The following ADAMTSL1 variants were observed in gnomAD, a reference collection of about 807,000 sequenced individuals.
ADAMTSL1 encodes the protein ADAMTS-like protein 1.
A neutral mutation model predicts 201.8 loss-of-function variants in ADAMTSL1; 126 were observed. That is an observed-to-expected ratio of 0.62 (90% CI 0.54 to 0.72). The LOEUF (loss-of-function observed/expected upper bound fraction) is 0.72, where lower values mean the gene tolerates loss of function less well. Among genes scored for constraint, ADAMTSL1 ranks in the 30% least tolerant of loss-of-function variants. ADAMTSL1 has a pLI of 0.00. For synonymous variants in ADAMTSL1, 1,121 were observed against 903.4 expected, an observed-to-expected ratio of 1.24 and a Z score of -4.32; for missense variants, 2,679 against 2,277.8, an observed-to-expected ratio of 1.18 and a Z score of -3.59.
intron 1 of ADAMTSL1, among the ~76,000 whole-genome samples, chr9:18,021,011 C>T (rs995767580): frequency 6.6e-6 from 1 of 152,130 alleles, no homozygotes; most frequent in Non-Finnish European, 1.5e-5. Context: ...ATGGTCTGCA[C>T]AGTGGTACTG....
At chr9:18,211,471 G>C (rs1244980725) in intron 2 of ADAMTSL1, among the ~76,000 whole-genome samples, 2 of 151,976 alleles carry the variant, frequency 1.3e-5, no homozygotes, top group Non-Finnish European at 2.9e-5. Flanking sequence ...CTCTGTTATA[G>C]GATTTCTTGT....
intron 1 of ADAMTSL1, among the ~76,000 whole-genome samples, chr9:18,002,363 TACTCTGAG>T (rs1819647963): frequency 6.6e-6 from 1 of 152,044 alleles, no homozygotes; most frequent in African/African-American, 2.4e-5. Flanking sequence ...GGTGACCTTA[TACTCTGAG>T]CCTCAGTTTC....
intron 1 of ADAMTSL1, among the ~76,000 whole-genome samples, chr9:18,486,771 C>A (rs751668780): frequency 4.1e-4 from 62 of 152,248 alleles, no homozygotes; most frequent in Non-Finnish European, 7.2e-4. Context: ...TCATGTAACA[C>A]AAAGCCCATA....
chr9:18,501,358 A>G (rs1252425055), intron 1 of ADAMTSL1, among the ~76,000 whole-genome samples: 4 of 152,068 alleles, frequency 2.6e-5, no homozygotes, highest in African/African-American at 7.2e-5. Context: ...GAAAAATACA[A>G]AAATTAGCCG....
chr9:18,413,107 C>A (rs1373616240), intron 2 of ADAMTSL1, among the ~76,000 whole-genome samples: 1 of 150,006 alleles, frequency 6.7e-6, no homozygotes, highest in Non-Finnish European at 1.5e-5. Flanking sequence ...CCTGTTTCTT[C>A]AACTGCTTGT....
At chr9:18,635,516 T>A (rs1827055786) in intron 5 of ADAMTSL1, among the ~76,000 whole-genome samples, 1 of 152,184 alleles carries the variant, frequency 6.6e-6, no homozygotes, top group Non-Finnish European at 1.5e-5. Context: ...TATCTTCCAC[T>A]TCTCTTACCT....
rs182235428 is a variant in ADAMTSL1, at chr9:18,766,131, T to C, written c.2218-4471T>C. ...ATAAGATTACAGAGGTGTACAACGC[T>C]TCTCTTGCTCTGCTATACATTCACC... On this transcript the variant is annotated intron_variant, in intron 16 of 28. Coordinates refer to ENST00000380548, the MANE Select transcript of ADAMTSL1 (RefSeq NM_001040272.6). Among the ~76,000 whole-genome samples, 333 of 152,310 alleles carry C rather than the reference T, an allele frequency of 2.2e-3. 11 individuals are homozygous for C. In the South Asian group the frequency reaches 0.046, roughly 21 times the overall value.
intron 3 of ADAMTSL1, among the ~76,000 whole-genome samples, chr9:18,562,294 T>C (rs1410847820): frequency 6.6e-6 from 1 of 152,220 alleles, no homozygotes; most frequent in Non-Finnish European, 1.5e-5. Context: ...TTAGTTTGGC[T>C]GGATATGAAA....
chr9:17,985,165 G>C (rs1489517407), intron 1 of ADAMTSL1, among the ~76,000 whole-genome samples: 2 of 152,104 alleles, frequency 1.3e-5, no homozygotes, highest in African/African-American at 4.8e-5. Context: ...ACTTCACTCT[G>C]ACATCTTTCT....
chr9:18,095,124 T>C (rs1824189031), intron 1 of ADAMTSL1, among the ~76,000 whole-genome samples: 1 of 152,132 alleles, frequency 6.6e-6, no homozygotes, highest in South Asian at 2.1e-4. Flanking sequence ...TGCAGATTAT[T>C]AGACGCCACC....
rs138753645 is a variant in ADAMTSL1 at position 18,828,312 on chromosome 9, C to A, written c.4115-1531C>A. On this transcript the variant is annotated intron_variant, in intron 22 of 28. Transcript: ENST00000380548. ...CTGTAAGGACATTAGGAGGGGCCAA[C>A]AATTGGCCCAAAAAGAGCTGATTGT... Among the ~76,000 whole-genome samples the A allele has an allele frequency of 4.2e-3, 645 of 152,148 alleles. 11 individuals are homozygous for A. The highest frequency in any genetic ancestry group is 0.019 in the East Asian group (96 of 5,152).
intron 2 of ADAMTSL1, among the ~76,000 whole-genome samples, chr9:18,530,877 A>C (rs894218109): frequency 6.6e-6 from 1 of 152,164 alleles, no homozygotes; most frequent in African/African-American, 2.4e-5. Context: ...ACTCTTAATC[A>C]CTGCACTGTG....
chr9:18,309,085 C>T (rs1371746942), intron 2 of ADAMTSL1, among the ~76,000 whole-genome samples: 1 of 152,044 alleles, frequency 6.6e-6, no homozygotes, highest in Admixed American at 6.5e-5. Flanking sequence ...TGACAAAAAC[C>T]ACATGATTAT....
intron 20 of ADAMTSL1, among the ~76,000 whole-genome samples, chr9:18,812,300 A>G (rs1306587283): frequency 2.6e-5 from 4 of 152,316 alleles, no homozygotes; most frequent in Admixed American, 6.5e-5. Context: ...AATTTTGACA[A>G]AAGTGCAAAA....
chr9:18,807,124 A>G (rs1324871724), intron 20 of ADAMTSL1, among the ~76,000 whole-genome samples: 1 of 152,206 alleles, frequency 6.6e-6, no homozygotes, highest in Non-Finnish European at 1.5e-5. Flanking sequence ...ATTGGGCCTG[A>G]TAAATTGAAA....
At chr9:18,025,183 G>C (rs1820641413) in intron 1 of ADAMTSL1, among the ~76,000 whole-genome samples, 1 of 151,848 alleles carries the variant, frequency 6.6e-6, no homozygotes, top group African/African-American at 2.4e-5. Flanking sequence ...TGCCTACTTT[G>C]TAAATACTTC....
chr9:18,889,120 C>A (rs1019121446), intron 24 of ADAMTSL1, among the ~76,000 whole-genome samples: 3 of 152,114 alleles, frequency 2.0e-5, no homozygotes, highest in Admixed American at 6.5e-5. Flanking sequence ...TTGCAAAGTC[C>A]AGCTCAAATC....
chr9:17,947,338 CA>C (rs1563913348), intron 1 of ADAMTSL1, among the ~76,000 whole-genome samples: 4 of 147,574 alleles, frequency 2.7e-5, no homozygotes, highest in East Asian at 2.1e-4. Context: ...CACACACACA[CA>C]CACACACCCC....
intron 1 of ADAMTSL1, among the ~76,000 whole-genome samples, chr9:17,925,775 C>T (rs563435687): frequency 1.4e-4 from 21 of 148,908 alleles, no homozygotes; most frequent in African/African-American, 4.7e-4. Flanking sequence ...TTAGTGGGTG[C>T]AGCGCACCAG....
Sources: allele counts gnomAD v4.1 joint callset (sites outside exome capture counted in the v4.1 genomes callset), GRCh38; gene constraint gnomAD v4.1.1; transcripts MANE v1.5; gene names NCBI Gene and HGNC (gene_info 2026-07-23, HGNC 2026-07-21).